BMP2K: variants seen among roughly 807,000 people sequenced by gnomAD.
The protein encoded by BMP2K is BMP2 inducible kinase.
In BMP2K, 74 loss-of-function variants were observed where a neutral mutation model predicts 116.0. The ratio of observed to expected loss-of-function variants is 0.64; its 90% CI spans 0.53 to 0.77. BMP2K has a LOEUF of 0.77. Among genes scored for constraint, BMP2K ranks in the 30% least tolerant of loss-of-function variants. The probability of loss-of-function intolerance (pLI) is 0.00; values close to 1 mark genes in which losing one functional copy is unlikely to be tolerated. For synonymous variants in BMP2K, 486 were observed against 502.5 expected (o/e 0.97, Z 0.44); for missense variants, 1,365 against 1,403.6 (o/e 0.97, Z 0.44).
intron 1 of BMP2K, among the ~76,000 whole-genome samples, chr4:78,780,643 C>T (rs888181954): frequency 2.6e-5 from 4 of 152,064 alleles, no homozygotes; most frequent in Non-Finnish European, 5.9e-5. Context: ...AGGGAAGGAT[C>T]GAATAAAAAT....
chr4:78,844,283 T>C (rs770228493), intron 4 of BMP2K, among the ~76,000 whole-genome samples: 10 of 151,770 alleles, frequency 6.6e-5, no homozygotes, highest in Non-Finnish European at 1.0e-4. Flanking sequence ...CAAGGGTCCA[T>C]ATGCTAGTTA....
At chr4:78,783,948 T>G (rs542737391) in intron 1 of BMP2K, among the ~76,000 whole-genome samples, 16 of 152,352 alleles carry the variant, frequency 1.1e-4, no homozygotes, top group African/African-American at 3.6e-4. Context: ...TTGAAAAGGC[T>G]ATGTCTTCGA....
chr4:78,854,772 G>C (rs1458732746), intron 7 of BMP2K, among the ~76,000 whole-genome samples: 1 of 151,976 alleles, frequency 6.6e-6, no homozygotes, highest in East Asian at 1.9e-4. Flanking sequence ...ATTTGTTATG[G>C]AAATTTAATA....
chr4:78,836,233 T>C (rs1730469787), intron 3 of BMP2K, among the ~76,000 whole-genome samples: 1 of 151,814 alleles, frequency 6.6e-6, no homozygotes, highest in African/African-American at 2.4e-5. Context: ...CTGACCAACA[T>C]AGTGAAACCC....
At chr4:78,780,356 A>C (rs891127383) in intron 1 of BMP2K, among the ~76,000 whole-genome samples, 6 of 152,134 alleles carry the variant, frequency 3.9e-5, no homozygotes, top group Non-Finnish European at 7.4e-5. Context: ...GTTGGGGGTT[A>C]TTGGATTGTT....
intron 7 of BMP2K, among the ~76,000 whole-genome samples, chr4:78,853,418 A>G (rs185665082): frequency 1.5e-3 from 225 of 152,270 alleles, no homozygotes; most frequent in Middle Eastern, 0.014. Context: ...AGCTTTTGTT[A>G]ACTCTCCCAA....
intron 15 of BMP2K, among the ~76,000 whole-genome samples, chr4:78,901,981 C>T (rs943785816): frequency 1.3e-5 from 2 of 152,106 alleles, no homozygotes; most frequent in African/African-American, 4.8e-5. Flanking sequence ...GAAACATTAC[C>T]TTACATAGAG....
intron 6 of BMP2K, among the ~76,000 whole-genome samples, chr4:78,848,695 A>G (rs1731119772): frequency 6.6e-6 from 1 of 151,474 alleles, no homozygotes; most frequent in Admixed American, 6.6e-5. Flanking sequence ...GTGAGGTAGC[A>G]TACTAAATTG....
chr4:78,892,010 G>C (rs1205589734), intron 15 of BMP2K, among the ~76,000 whole-genome samples: 1 of 152,108 alleles, frequency 6.6e-6, no homozygotes, highest in Non-Finnish European at 1.5e-5. Flanking sequence ...GCTGTTTTCA[G>C]TCTTTAAAAG....
In BMP2K at chr4:78,915,742, G is replaced by A. The variant is rs141963394; in HGVS notation, c.*3709G>A. 77 of 152,030 alleles carry A rather than the reference G, an allele frequency of 5.1e-4. No homozygotes were observed. The highest frequency in any genetic ancestry group is 1.8e-3 in the African/African-American group (76 of 41,514). The allele number at this position is 152,030 out of a possible 1,614,324, so 9.4% of individuals were successfully genotyped here. A position where few individuals can be genotyped will look rare whatever the true frequency, so the allele number is the denominator to read the frequency against. On this transcript the variant is annotated 3_prime_UTR_variant, in exon 16 of 16. Transcript: ENST00000502613. The stretch of plus-strand genomic sequence containing the variant: ...AAGAGAACATTCACTCCTAGTGAGG[G>A]TTTACAAAAGCTACTAAGAGAATAA...
intron 14 of BMP2K, among the ~76,000 whole-genome samples, chr4:78,884,451 T>C (rs1364001091): frequency 1.3e-5 from 2 of 152,214 alleles, no homozygotes; most frequent in East Asian, 3.8e-4. Context: ...AACTACATTT[T>C]ATACAGGAAT....
chr4:78,832,463 T>G (rs1386525073), intron 2 of BMP2K, among the ~76,000 whole-genome samples: 3 of 152,170 alleles, frequency 2.0e-5, no homozygotes, highest in Non-Finnish European at 4.4e-5. Flanking sequence ...TTTTTAAAAT[T>G]CTGCTTTTAT....
In BMP2K at chr4:78,910,698, A is replaced by G; in HGVS notation, c.2151A>G (p.Ala717=). The G allele has an allele frequency of 1.9e-6, 3 of 1,612,356 alleles. No individual in the cohort carries two copies. Among genetic ancestry groups the G allele is most frequent in the Middle Eastern group, 1.7e-4 (1 of 6,044 alleles). The change falls in exon 16 of 16, where the codon GCA becomes GCG. Residue 717 remains alanine (A), a synonymous_variant. Coordinates refer to ENST00000502613, the MANE Select transcript of BMP2K (RefSeq NM_198892.2). ...TCAAGAACGGTAAAACAAGTCCAGC[A>G]TCTAAAGATCAGCGGACTGGAAAGA... The part of the protein sequence containing the change: ...NPIKNGKTSP[A]SKDQRTGKKT...
At chr4:78,780,998 A>T (rs775296567) in intron 1 of BMP2K, among the ~76,000 whole-genome samples, 5 of 152,174 alleles carry the variant, frequency 3.3e-5, no homozygotes, top group African/African-American at 4.8e-5. Flanking sequence ...GATTTGAAGT[A>T]TGTCATGAAG....
rs191115294 is a variant in BMP2K, at chr4:78,855,481, C to T, written c.884-4103C>T. On this transcript the variant is annotated intron_variant, in intron 7 of 15. Transcript: ENST00000502613. ...ATGGTGGCTTAACTTTATCTAGGCCCAGGCATGGATCCTTCGTTTTGTGTA... is the reference window on the plus strand; with the variant it reads ...ATGGTGGCTTAACTTTATCTAGGCCTAGGCATGGATCCTTCGTTTTGTGTA... Among the ~76,000 whole-genome samples the T allele has an allele frequency of 1.6e-4, 25 of 152,216 alleles. 1 individual carries two copies. Among genetic ancestry groups the T allele is most frequent in the Admixed American group, 1.2e-3 (19 of 15,272 alleles).
At chr4:78,903,660 A>G (rs534518982) in intron 15 of BMP2K, among the ~76,000 whole-genome samples, 5 of 152,058 alleles carry the variant, frequency 3.3e-5, no homozygotes, top group African/African-American at 1.2e-4. Context: ...ATAAAGCCTT[A>G]TAGTGTTTCT....
At chr4:78,807,743 G>T (rs769929485) in intron 1 of BMP2K, among the ~76,000 whole-genome samples, 1 of 150,556 alleles carries the variant, frequency 6.6e-6, no homozygotes, top group African/African-American at 2.4e-5. Flanking sequence ...CAATCCTTTT[G>T]ATTTCTTTAA....
chr4:78,798,917 C>G (rs191990830), intron 1 of BMP2K, among the ~76,000 whole-genome samples: 17 of 152,140 alleles, frequency 1.1e-4, no homozygotes, highest in Non-Finnish European at 4.4e-5. Flanking sequence ...CTTACTTTGT[C>G]TGAAATTTTA....
intron 1 of BMP2K, among the ~76,000 whole-genome samples, chr4:78,788,246 T>G (rs1025366993): frequency 1.3e-5 from 2 of 152,156 alleles, no homozygotes; most frequent in African/African-American, 4.8e-5. Flanking sequence ...CCATGTATTC[T>G]GAAATATTTG....
Sources: allele counts gnomAD v4.1 joint callset (sites outside exome capture counted in the v4.1 genomes callset), GRCh38; gene constraint gnomAD v4.1.1; transcripts MANE v1.5; gene names NCBI Gene and HGNC (gene_info 2026-07-23, HGNC 2026-07-21).